Variants in RHOT1 observed in about 807,000 individuals in gnomAD.
RHOT1 encodes the protein mitochondrial Rho GTPase 1.
Under a neutral mutation model 95.3 loss-of-function variants are expected in RHOT1, and 27 were observed. The ratio of observed to expected loss-of-function variants is 0.28; its 90% CI spans 0.21 to 0.39. The LOEUF is 0.39. RHOT1 is among the 10% of genes least tolerant of loss of function. RHOT1 has a pLI of 1.00. For synonymous variants in RHOT1, 227 were observed against 263.5 expected (o/e 0.86, Z 1.34); for missense variants, 578 against 786.7 (o/e 0.73, Z 3.17).
At chr17:32,167,028 TAGTA>T (rs1264249878) in intron 1 of RHOT1, among the ~76,000 whole-genome samples, 1 of 152,136 alleles carries the variant, frequency 6.6e-6, no homozygotes, top group Admixed American at 6.5e-5. Flanking sequence ...ACAATGTAAA[TAGTA>T]AGCCTAAATA....
chr17:32,197,420 ATTTT>A (rs1248456480), intron 11 of RHOT1, among the ~76,000 whole-genome samples: 1 of 139,192 alleles, frequency 7.2e-6, no homozygotes, highest in Admixed American at 7.1e-5. Context: ...CTTTTTTCTT[ATTTT>A]TTTATTTTTT....
intron 12 of RHOT1, 21 bp from the exon 13 acceptor site, chr17:32,199,384 T>C: frequency 6.3e-7 from 1 of 1,597,060 alleles, no homozygotes; most frequent in Non-Finnish European, 8.5e-7. Context: ...CTAAACATTC[T>C]GTATCCTTGT....
At chr17:32,206,310 A>G (rs952734508) in intron 16 of RHOT1, among the ~76,000 whole-genome samples, 1 of 144,232 alleles carries the variant, frequency 6.9e-6, no homozygotes, top group African/African-American at 2.6e-5. Context: ...GGCTCAAGCG[A>G]TTCTCCTGCC....
intron 18 of RHOT1, chr17:32,209,248 C>A (rs567013569): frequency 1.9e-6 from 1 of 537,556 alleles, no homozygotes; most frequent in South Asian, 4.1e-5. Flanking sequence ...CCTTGAATTT[C>A]TATTTGTATT....
At chr17:32,183,364 A>T (rs754307600) in intron 8 of RHOT1, 92 bp downstream of exon 8, 26 of 631,328 alleles carry the variant, frequency 4.1e-5, no homozygotes, top group Admixed American at 6.9e-5. Context: ...TTGTGTAGAG[A>T]TTAAACTGCT....
At chr17:32,185,101 T>G (rs1356053221) in intron 8 of RHOT1, among the ~76,000 whole-genome samples, 2 of 151,752 alleles carry the variant, frequency 1.3e-5, no homozygotes, top group African/African-American at 2.4e-5. Flanking sequence ...TCTTTTTCTT[T>G]TCTTTTTTCT....
At chr17:32,207,526 TAATC>T (rs766758928) in intron 17 of RHOT1, 1 of 153,966 alleles carries the variant, frequency 6.5e-6, no homozygotes, top group African/African-American at 2.4e-5. Flanking sequence ...AAACTGGAAA[TAATC>T]AAGATGGCTA....
intron 19 of RHOT1, among the ~76,000 whole-genome samples, chr17:32,220,578 T>C (rs536265040): frequency 6.6e-6 from 1 of 152,286 alleles, no homozygotes; most frequent in South Asian, 2.1e-4. Context: ...CTCACTCCTG[T>C]AATCCCAGCA....
At chr17:32,219,679 C>T (rs1466649965) in intron 19 of RHOT1, among the ~76,000 whole-genome samples, 1 of 152,164 alleles carries the variant, frequency 6.6e-6, no homozygotes, top group Non-Finnish European at 1.5e-5. Flanking sequence ...TGGTTGGCTC[C>T]TACACCTGTG....
chr17:32,203,208 C>G (rs777435847), intron 15 of RHOT1, among the ~76,000 whole-genome samples: 18 of 148,692 alleles, frequency 1.2e-4, no homozygotes, highest in Non-Finnish European at 2.4e-4. Context: ...ATATTGATAT[C>G]TAGTTCTTAC....
intron 11 of RHOT1, among the ~76,000 whole-genome samples, chr17:32,196,425 C>T (rs1462401661): frequency 6.6e-6 from 1 of 152,050 alleles, no homozygotes; most frequent in Non-Finnish European, 1.5e-5. Flanking sequence ...CTTTCAGGCT[C>T]AAGAAATCCT....
chr17:32,178,672 G>A (rs904697507), intron 6 of RHOT1, among the ~76,000 whole-genome samples: 31 of 148,928 alleles, frequency 2.1e-4, no homozygotes, highest in Admixed American at 4.0e-4. Flanking sequence ...TGTGAGGAGC[G>A]CCTCTGCCCG....
chr17:32,151,341 G>T, intron 1 of RHOT1: 1 of 618,790 alleles, frequency 1.6e-6, no homozygotes, highest in Non-Finnish European at 3.1e-6. Context: ...GAACCTGGGA[G>T]GTTGAGGCTG....
intron 1 of RHOT1, among the ~76,000 whole-genome samples, chr17:32,169,014 G>T (rs1380072261): frequency 6.6e-6 from 1 of 152,140 alleles, no homozygotes; most frequent in Non-Finnish European, 1.5e-5. Context: ...TCTTACACAA[G>T]TCAATTGAAA....
chr17:32,203,269 C>CTTTT lies in RHOT1; in HGVS notation c.1332+390_1332+393dup, dbSNP rs940216011. On this transcript the variant is annotated intron_variant, in intron 15 of 19. Coordinates refer to ENST00000545287, the MANE Select transcript of RHOT1 (RefSeq NM_001033566.3). ...ACATATTTCTTTTCTTCTTCTTCTTCTTTTTTTTTTTTTTTTTTTTTTTTG... is the reference window on the plus strand; with the variant it reads ...ACATATTTCTTTTCTTCTTCTTCTTCTTTTTTTTTTTTTTTTTTTTTTTTTTTTG... 4.3e-3 allele frequency among the ~76,000 whole-genome samples: 309 copies of CTTTT among 72,330 alleles called. 1 individual carries two copies. The highest frequency in any genetic ancestry group is 5.6e-3 in the Non-Finnish European group (221 of 39,644). 47.5% of individuals were successfully genotyped at this position (72,330 alleles called of 152,430 possible). A position where few individuals can be genotyped will look rare whatever the true frequency, so the allele number is the denominator to read the frequency against.
intron 19 of RHOT1, chr17:32,223,017 C>T (rs937295030): frequency 1.5e-5 from 4 of 261,524 alleles, no homozygotes; most frequent in Non-Finnish European, 2.4e-5. Context: ...AACTAACTTG[C>T]AAGCTGGAAT....
At position 32,193,969 on chromosome 17, in the gene RHOT1, T is replaced by A; in HGVS notation, c.749-18T>A. On this transcript the variant is annotated intron_variant, in intron 10 of 19. Coordinates refer to ENST00000545287, the MANE Select transcript of RHOT1 (RefSeq NM_001033566.3). ...ATGTGACTCTGTACACTTTATTTAC[T>A]AATTTACTTTATTTCAGGTTTTCTC... 1 of 1,611,398 alleles carries A rather than the reference T, an allele frequency of 6.2e-7. No individual in the cohort carries two copies. Among genetic ancestry groups the A allele is most frequent in the Non-Finnish European group, 8.5e-7 (1 of 1,178,080 alleles).
At chr17:32,202,734 A>G (rs755047503) in intron 14 of RHOT1, 36 bp from the exon 15 acceptor site, 54 of 1,477,582 alleles carry the variant, frequency 3.7e-5, no homozygotes, top group Non-Finnish European at 4.9e-5. Context: ...TAAGTGGTAC[A>G]TATTTAGTGG....
chr17:32,149,625 A>ATGTGTGTGTG (rs1454201227), intron 1 of RHOT1, among the ~76,000 whole-genome samples: 76 of 88,296 alleles, frequency 8.6e-4, no homozygotes, highest in South Asian at 2.2e-3. Flanking sequence ...ATATATATAT[A>ATGTGTGTGTG]TATATATATA....
Sources: allele counts gnomAD v4.1 joint callset (sites outside exome capture counted in the v4.1 genomes callset), GRCh38; gene constraint gnomAD v4.1.1; transcripts MANE v1.5; gene names NCBI Gene and HGNC (gene_info 2026-07-23, HGNC 2026-07-21).